Variants in SPATA9 observed in about 807,000 individuals in gnomAD.
SPATA9 encodes spermatogenesis associated 9.
SPATA9 carries 27 observed loss-of-function variants against 25.5 expected under a neutral mutation model. The ratio of observed to expected loss-of-function variants is 1.06; its 90% CI spans 0.78 to 1.46. The LOEUF (loss-of-function observed/expected upper bound fraction) is 1.46. Ranked by LOEUF, SPATA9 falls within the 40% of genes most tolerant of loss-of-function variation. The pLI is 0.00. For missense variants in SPATA9, 282 were observed against 297.5 expected, an observed-to-expected ratio of 0.95 and a Z score of 0.38; for synonymous variants, 102 against 105.7, an observed-to-expected ratio of 0.97 and a Z score of 0.21.
At chr5:95,693,247 C>G (rs999307593) in intron 1 of SPATA9, among the ~76,000 whole-genome samples, 2 of 152,190 alleles carry the variant, frequency 1.3e-5, no homozygotes, top group Admixed American at 1.3e-4. Flanking sequence ...AGAAATATCC[C>G]CACCAGCACC....
chr5:95,703,949 A>G, the SPATA9 span, among the ~76,000 whole-genome samples: 1 of 152,130 alleles, frequency 6.6e-6, no homozygotes, highest in East Asian at 1.9e-4. Flanking sequence ...TTTATACCAC[A>G]ATCATCCCCT....
chr5:95,707,370 C>T, the SPATA9 span, among the ~76,000 whole-genome samples: 3 of 152,068 alleles, frequency 2.0e-5, no homozygotes, highest in Non-Finnish European at 4.4e-5. Flanking sequence ...AAATGCCACA[C>T]TGAGACGAAT....
chr5:95,674,450 G>A (rs1752722680), intron 3 of SPATA9, among the ~76,000 whole-genome samples: 1 of 152,176 alleles, frequency 6.6e-6, no homozygotes, highest in African/African-American at 2.4e-5. Flanking sequence ...GGTAAGCACT[G>A]AGAACACAAG....
the SPATA9 span, among the ~76,000 whole-genome samples, chr5:95,714,124 C>A: frequency 1.3e-5 from 2 of 151,896 alleles, no homozygotes; most frequent in Non-Finnish European, 2.9e-5. Flanking sequence ...GCTGAGTTTG[C>A]ATAAATATAT....
intron 4 of SPATA9, among the ~76,000 whole-genome samples, chr5:95,660,647 A>G (rs1477912122): frequency 6.6e-6 from 1 of 152,116 alleles, no homozygotes; most frequent in East Asian, 1.9e-4. Flanking sequence ...ATGTTGCAAA[A>G]AAGGTTGGAA....
At chr5:95,683,222 G>GA (rs892652305), upstream of SPATA9, among the ~76,000 whole-genome samples, 4 of 151,990 alleles carry the variant, frequency 2.6e-5, no homozygotes, top group South Asian at 2.1e-4. Flanking sequence ...AGGTCCCTTT[G>GA]AAAAAAAATG....
At chr5:95,731,712 G>T in the SPATA9 span, 1 of 1,613,236 alleles carries the variant, frequency 6.2e-7, no homozygotes, top group South Asian at 1.1e-5. Context: ...TCCTGCCATT[G>T]TCTCTCTCCA....
At chr5:95,731,977 A>G in the SPATA9 span, 2 of 1,614,148 alleles carry the variant, frequency 1.2e-6, no homozygotes, top group Admixed American at 3.3e-5. Context: ...GGACGAGAGC[A>G]GCTTGTTGCT....
the SPATA9 span, chr5:95,730,962 G>T: frequency 3.9e-6 from 2 of 513,452 alleles, no homozygotes; most frequent in African/African-American, 3.9e-5. Flanking sequence ...ACTCGGGCTG[G>T]AATCCCTAGC....
the SPATA9 span, among the ~76,000 whole-genome samples, chr5:95,727,691 A>T: frequency 6.0e-4 from 92 of 152,338 alleles, no homozygotes; most frequent in Non-Finnish European, 9.4e-4. Flanking sequence ...ACATAAACCA[A>T]ATAAAAATTT....
At chr5:95,731,321 A>G in the SPATA9 span, 5 of 1,075,066 alleles carry the variant, frequency 4.7e-6, no homozygotes, top group Non-Finnish European at 5.6e-6. Flanking sequence ...GAGGAGGAGG[A>G]GCAGCGGCAG....
chr5:95,655,014 C>G (rs1041159052), downstream of SPATA9, among the ~76,000 whole-genome samples: 8 of 152,194 alleles, frequency 5.3e-5, no homozygotes, highest in African/African-American at 1.7e-4. Context: ...GATTCCAAAA[C>G]TAGTCACCTA....
intron 2 of SPATA9, among the ~76,000 whole-genome samples, chr5:95,676,996 T>C (rs1016271744): frequency 6.6e-6 from 1 of 152,236 alleles, no homozygotes; most frequent in African/African-American, 2.4e-5. Context: ...GCACTAGCTA[T>C]GCCATTTGAT....
the SPATA9 span, among the ~76,000 whole-genome samples, chr5:95,715,122 A>G: frequency 7.2e-4 from 109 of 152,158 alleles, no homozygotes; most frequent in Middle Eastern, 6.8e-3. Flanking sequence ...TCAGGAGATC[A>G]AGACCACCCT....
the SPATA9 span, chr5:95,731,937 T>C: frequency 1.2e-6 from 2 of 1,614,088 alleles, no homozygotes; most frequent in East Asian, 4.5e-5. Flanking sequence ...TTATCCGCAC[T>C]TACCTGGGGA....
intron 1 of SPATA9, among the ~76,000 whole-genome samples, chr5:95,696,348 T>C (rs562578153): frequency 1.3e-5 from 2 of 152,336 alleles, no homozygotes; most frequent in Admixed American, 6.5e-5. Flanking sequence ...ATAAAAAATG[T>C]AGTAAGCTGA....
the SPATA9 span, among the ~76,000 whole-genome samples, chr5:95,710,086 CT>C: frequency 6.6e-6 from 1 of 152,098 alleles, no homozygotes. Flanking sequence ...GCTTTTTGCG[CT>C]GAGGTGTTTG....
At chr5:95,720,803 C>T in the SPATA9 span, among the ~76,000 whole-genome samples, 1 of 152,094 alleles carries the variant, frequency 6.6e-6, no homozygotes, top group Non-Finnish European at 1.5e-5. Flanking sequence ...AGATTTTTGC[C>T]AATATGACAA....
chr5:95,731,498 C>T, the SPATA9 span: 1 of 1,245,406 alleles, frequency 8.0e-7, no homozygotes, highest in South Asian at 3.4e-5. Flanking sequence ...CCCTGGTCCC[C>T]GGCTCGCTCG....
Sources: allele counts gnomAD v4.1 joint callset (sites outside exome capture counted in the v4.1 genomes callset), GRCh38; gene constraint gnomAD v4.1.1; transcripts MANE v1.5; gene names NCBI Gene and HGNC (gene_info 2026-07-23, HGNC 2026-07-21).